NSRP1: variants seen among roughly 807,000 people sequenced by gnomAD.
NSRP1 encodes nuclear speckle splicing regulatory protein 1, also known as coiled-coil domain containing 55.
NSRP1 carries 24 observed loss-of-function variants against 54.7 expected under a neutral mutation model. That is an observed-to-expected ratio of 0.44 (90% CI 0.32 to 0.62). The LOEUF (loss-of-function observed/expected upper bound fraction) is 0.62, where lower values mean the gene tolerates loss of function less well. Among genes scored for constraint, NSRP1 ranks in the 20% least tolerant of loss-of-function variants. The probability of loss-of-function intolerance (pLI) is 0.06; values close to 1 mark genes in which losing one functional copy is unlikely to be tolerated. For synonymous variants in NSRP1, 210 were observed against 213.8 expected (o/e 0.98, Z 0.15); for missense variants, 596 against 651.2 (o/e 0.92, Z 0.92).
intron 2 of NSRP1, 100 bp from the exon 3 acceptor site, chr17:30,172,442 A>T: frequency 2.5e-6 from 2 of 812,932 alleles, no homozygotes; most frequent in Non-Finnish European, 3.7e-6. Flanking sequence ...TCTGAAATAC[A>T]AAACACTTCT....
intron 2 of NSRP1, among the ~76,000 whole-genome samples, chr17:30,171,303 C>CTTT (rs34039932): frequency 2.8e-5 from 3 of 108,368 alleles, no homozygotes; most frequent in Admixed American, 9.9e-5. Context: ...TTGTAATTGT[C>CTTT]TTTTTTTTTT....
At chr17:30,159,910 C>T (rs1797885087) in intron 2 of NSRP1, among the ~76,000 whole-genome samples, 1 of 152,178 alleles carries the variant, frequency 6.6e-6, no homozygotes. Flanking sequence ...GATCTGCTCG[C>T]CTTGGCCTCC....
At chr17:30,119,589 G>A (rs372328040) in intron 2 of NSRP1, among the ~76,000 whole-genome samples, 1 of 151,456 alleles carries the variant, frequency 6.6e-6, no homozygotes, top group East Asian at 1.9e-4. Flanking sequence ...TGCAACCTCC[G>A]CCTCCTGGGT....
intron 3 of NSRP1, among the ~76,000 whole-genome samples, chr17:30,176,284 C>T (rs1031220099): frequency 6.6e-6 from 1 of 152,106 alleles, no homozygotes; most frequent in African/African-American, 2.4e-5. Context: ...CTACAGCTCT[C>T]CTCCCAACAT....
chr17:30,165,812 A>T (rs552152788), intron 2 of NSRP1, among the ~76,000 whole-genome samples: 59 of 152,356 alleles, frequency 3.9e-4, no homozygotes, highest in African/African-American at 1.4e-3. Context: ...TAAAGAATCA[A>T]CACAAAAGAA....
chr17:30,167,583 T>A (rs1285327630), intron 2 of NSRP1, among the ~76,000 whole-genome samples: 1 of 152,078 alleles, frequency 6.6e-6, no homozygotes, highest in Admixed American at 6.6e-5. Context: ...CACTCCAGTC[T>A]GGGCAACAGA....
At chr17:30,132,558 A>T (rs1195916477) in intron 2 of NSRP1, among the ~76,000 whole-genome samples, 2 of 152,222 alleles carry the variant, frequency 1.3e-5, no homozygotes, top group Non-Finnish European at 1.5e-5. Flanking sequence ...TCTCAAAAAG[A>T]AAAGAAACCA....
intron 2 of NSRP1, among the ~76,000 whole-genome samples, chr17:30,130,414 A>T (rs940004083): frequency 2.6e-5 from 4 of 152,020 alleles, no homozygotes; most frequent in African/African-American, 9.7e-5. Flanking sequence ...TAGTCTTTTT[A>T]ACCATTGTTT....
intron 2 of NSRP1, among the ~76,000 whole-genome samples, chr17:30,132,369 A>T (rs534137730): frequency 6.6e-6 from 1 of 152,108 alleles, no homozygotes; most frequent in South Asian, 2.1e-4. Flanking sequence ...CCTGGCCAAC[A>T]TGGTGAAACC....
At chr17:30,152,000 C>CTCAGG in intron 2 of NSRP1, among the ~76,000 whole-genome samples, 1 of 152,144 alleles carries the variant, frequency 6.6e-6, no homozygotes, top group South Asian at 2.1e-4. Flanking sequence ...AACTCCTGAC[C>CTCAGG]TCAGGTGATC....
intron 2 of NSRP1, among the ~76,000 whole-genome samples, chr17:30,128,459 G>T (rs2071670506): frequency 6.6e-6 from 1 of 152,016 alleles, no homozygotes; most frequent in African/African-American, 2.4e-5. Context: ...CAAGATCTTT[G>T]TGAAATTGCA....
chr17:30,140,070 A>G (rs1351367839), intron 2 of NSRP1, among the ~76,000 whole-genome samples: 1 of 152,228 alleles, frequency 6.6e-6, no homozygotes, highest in East Asian at 1.9e-4. Flanking sequence ...TCTCACAAGT[A>G]TTTGGTGTTT....
intron 1 of NSRP1, chr17:30,117,571 C>CT (rs1420717264): frequency 1.5e-5 from 6 of 387,856 alleles, no homozygotes; most frequent in African/African-American, 1.2e-4. Context: ...TGCCCCATGG[C>CT]TACTTGGGTT....
At chr17:30,163,379 C>G (rs1472559495) in intron 2 of NSRP1, among the ~76,000 whole-genome samples, 1 of 152,008 alleles carries the variant, frequency 6.6e-6, no homozygotes, top group East Asian at 1.9e-4. Context: ...GACCCTAATT[C>G]TTTTCTGATG....
At chr17:30,133,292 T>A (rs1459320229) in intron 2 of NSRP1, among the ~76,000 whole-genome samples, 1 of 152,090 alleles carries the variant, frequency 6.6e-6, no homozygotes, top group African/African-American at 2.4e-5. Context: ...AGGTCAGAAT[T>A]ACTCCTTGAA....
intron 2 of NSRP1, among the ~76,000 whole-genome samples, chr17:30,148,478 C>A (rs1567796806): frequency 6.6e-6 from 1 of 152,154 alleles, no homozygotes; most frequent in Non-Finnish European, 1.5e-5. Flanking sequence ...CATTTACTGA[C>A]AGGAGAAGAC....
intron 6 of NSRP1, among the ~76,000 whole-genome samples, chr17:30,184,401 C>T (rs1260592370): frequency 1.3e-5 from 2 of 152,150 alleles, no homozygotes; most frequent in Non-Finnish European, 2.9e-5. Flanking sequence ...CTTTTCACTT[C>T]TACAAATATT....
At position 30,184,656 on chromosome 17, in the gene NSRP1, A is replaced by C. The variant is rs755157083; in HGVS notation, c.659A>C (p.Glu220Ala). Residue 220 changes from glutamate (E) to alanine (A), a missense_variant, in exon 7 of 7, where the codon GAA becomes GCA. Transcript: ENST00000247026. ...GAAAAATCAAGGGGCTTCTCCAATG[A>C]AGTAAGTTCAAAAAACAGAATACCA... Reference protein sequence around the residue: ...KEEKSRGFSNEVSSKNRIPQE... With the variant: ...KEEKSRGFSNAVSSKNRIPQE... The C allele has an allele frequency of 1.9e-5, 31 of 1,590,478 alleles. No individual in the cohort carries two copies. Among genetic ancestry groups the C allele is most frequent in the Non-Finnish European group, 2.7e-5 (31 of 1,168,636 alleles).
At chr17:30,182,706 G>A (rs930206425) in intron 6 of NSRP1, among the ~76,000 whole-genome samples, 16 of 150,660 alleles carry the variant, frequency 1.1e-4, no homozygotes, top group Admixed American at 1.3e-4. Context: ...AGGCCAAGGC[G>A]GGCGGATTGC....
Sources: allele counts gnomAD v4.1 joint callset (sites outside exome capture counted in the v4.1 genomes callset), GRCh38; gene constraint gnomAD v4.1.1; transcripts MANE v1.5; gene names NCBI Gene and HGNC (gene_info 2026-07-23, HGNC 2026-07-21).